The following MPPED2 variants were observed in gnomAD, a reference collection of about 807,000 sequenced individuals.
MPPED2 encodes the protein metallophosphoesterase MPPED2.
MPPED2 carries 5 observed loss-of-function variants against 33.0 expected under a neutral mutation model. The ratio of observed to expected loss-of-function variants is 0.15; its 90% confidence interval spans 0.08 to 0.32. The LOEUF (loss-of-function observed/expected upper bound fraction) is 0.32. Ranked by LOEUF, MPPED2 falls within the 10% of genes least tolerant of loss-of-function variation. The probability of loss-of-function intolerance (pLI) is 1.00; values close to 1 mark genes in which losing one functional copy is unlikely to be tolerated. For synonymous variants in MPPED2, 136 were observed against 141.9 expected, an observed-to-expected ratio of 0.96 and a Z score of 0.29; for missense variants, 275 against 372.1, an observed-to-expected ratio of 0.74 and a Z score of 2.15.
intron 3 of MPPED2, among the ~76,000 whole-genome samples, chr11:30,517,257 A>G (rs1239838928): frequency 6.6e-6 from 1 of 152,114 alleles, no homozygotes; most frequent in Non-Finnish European, 1.5e-5. Context: ...GTTACTGCTG[A>G]CTGGGAAGGC....
At chr11:30,432,683 A>T (rs1478753540) in intron 4 of MPPED2, among the ~76,000 whole-genome samples, 2 of 152,176 alleles carry the variant, frequency 1.3e-5, no homozygotes, top group East Asian at 3.9e-4. Context: ...TATAAAATAC[A>T]CAATTCTTTT....
downstream of MPPED2, among the ~76,000 whole-genome samples, chr11:30,384,110 C>G (rs1757993): frequency 0.098 from 14,919 of 152,020 alleles, 746 homozygotes; most frequent in Middle Eastern, 0.17. Flanking sequence ...CAGCAAACAT[C>G]TACATTGAGT....
chr11:30,398,066 A>G (rs1947860744), intron 6 of MPPED2, among the ~76,000 whole-genome samples: 2 of 152,278 alleles, frequency 1.3e-5, no homozygotes, highest in Admixed American at 1.3e-4. Context: ...GTATTAAGTC[A>G]TTATCCTTGC....
At chr11:30,513,786 G>A (rs773565915) in intron 3 of MPPED2, among the ~76,000 whole-genome samples, 41 of 151,972 alleles carry the variant, frequency 2.7e-4, no homozygotes, top group Non-Finnish European at 5.3e-4. Context: ...AAAGAAAAGA[G>A]AACAAGGAAC....
chr11:30,399,355 A>G (rs78235980), intron 6 of MPPED2, among the ~76,000 whole-genome samples: 1 of 152,306 alleles, frequency 6.6e-6, no homozygotes, highest in Non-Finnish European at 1.5e-5. Flanking sequence ...TTACAAAGGT[A>G]AGAAAAAAAT....
chr11:30,581,869 C>T (rs750840739), intron 1 of MPPED2, among the ~76,000 whole-genome samples: 11 of 152,176 alleles, frequency 7.2e-5, no homozygotes, highest in African/African-American at 1.4e-4. Context: ...GATGAATCCC[C>T]GTGCTCTGGC....
At chr11:30,406,110 A>G (rs1049165992), downstream of MPPED2, among the ~76,000 whole-genome samples, 9 of 152,146 alleles carry the variant, frequency 5.9e-5, no homozygotes, top group Non-Finnish European at 1.2e-4. Flanking sequence ...TTGGAAGCCT[A>G]TTGGAATTGT....
intron 2 of MPPED2, among the ~76,000 whole-genome samples, chr11:30,543,785 C>T (rs1037924831): frequency 3.8e-5 from 5 of 130,732 alleles, no homozygotes; most frequent in Admixed American, 8.1e-5. Flanking sequence ...CCAGAAATGG[C>T]GTTGTTCTTT....
At chr11:30,457,712 T>C (rs1159254816) in intron 4 of MPPED2, among the ~76,000 whole-genome samples, 1 of 152,176 alleles carries the variant, frequency 6.6e-6, no homozygotes. Context: ...GATTTGAACA[T>C]AGTTCGGAGT....
rs545370266 is a variant in MPPED2 at position 30,580,440 on chromosome 11, C to T, written c.-67G>A. The T allele has an allele frequency of 5.7e-6, 9 of 1,582,504 alleles. No individual in the cohort carries two copies. Among genetic ancestry groups the T allele is most frequent in the African/African-American group, 1.3e-5 (1 of 74,194 alleles). The stretch of plus-strand genomic sequence containing the variant: ...GCAAAAGATGGAAGCAGGCATGGTG[C>T]GTTTCAGCCAACCTCTGAATCCAAG... On this transcript the variant is annotated 5_prime_UTR_variant, in exon 2 of 7. Transcript: ENST00000358117.
intron 4 of MPPED2, among the ~76,000 whole-genome samples, chr11:30,466,286 C>T (rs963700665): frequency 5.3e-5 from 8 of 152,106 alleles, no homozygotes; most frequent in African/African-American, 1.9e-4. Context: ...GCTAAGAGAG[C>T]AAGGTATGAT....
chr11:30,494,697 C>T (rs1417824651), intron 4 of MPPED2, among the ~76,000 whole-genome samples: 2 of 126,148 alleles, frequency 1.6e-5, no homozygotes, highest in Non-Finnish European at 3.1e-5. Flanking sequence ...GAGATCACAC[C>T]ACTGCATTCC....
intron 2 of MPPED2, among the ~76,000 whole-genome samples, chr11:30,579,198 G>A (rs1957058781): frequency 6.7e-6 from 1 of 150,052 alleles, no homozygotes; most frequent in South Asian, 2.1e-4. Context: ...GTGGGGGGGT[G>A]TGTGTATTTG....
At chr11:30,569,001 T>C (rs949788888) in intron 2 of MPPED2, among the ~76,000 whole-genome samples, 1 of 152,152 alleles carries the variant, frequency 6.6e-6, no homozygotes, top group Non-Finnish European at 1.5e-5. Context: ...TTCCCTTTTT[T>C]CTCAAAGTGC....
intron 6 of MPPED2, among the ~76,000 whole-genome samples, chr11:30,400,996 T>C (rs1411880009): frequency 6.6e-6 from 1 of 152,180 alleles, no homozygotes; most frequent in East Asian, 1.9e-4. Flanking sequence ...CTAGAATTCC[T>C]GAGCTCAAGT....
intron 4 of MPPED2, among the ~76,000 whole-genome samples, chr11:30,424,875 G>A (rs1037964538): frequency 2.6e-5 from 4 of 152,172 alleles, no homozygotes; most frequent in Admixed American, 6.5e-5. Flanking sequence ...AATTGACATC[G>A]CTAGGAGAGG....
At position 30,564,588 on chromosome 11, in the gene MPPED2, T is replaced by C. The variant is rs190608750; in HGVS notation, c.128+15658A>G. ...AAGAGGGAGACCAAGATTCAAACTT[T>C]GGCAGTATGCTTCTGGAAACCACGT... On this transcript the variant is annotated intron_variant, in intron 2 of 6. Coordinates refer to ENST00000358117, the MANE Select transcript of MPPED2 (RefSeq NM_001584.3). 5.4e-4 allele frequency among the ~76,000 whole-genome samples: 83 copies of C among 152,308 alleles called. 1 individual carries two copies. The highest frequency in any genetic ancestry group is 5.3e-3 in the Admixed American group (81 of 15,300).
intron 4 of MPPED2, among the ~76,000 whole-genome samples, chr11:30,451,389 C>A (rs552833952): frequency 6.6e-6 from 1 of 152,284 alleles, no homozygotes; most frequent in Admixed American, 6.5e-5. Context: ...GCTAACCTGG[C>A]CCCCCTGCAG....
chr11:30,396,671 T>G (rs1053176752), intron 6 of MPPED2, among the ~76,000 whole-genome samples: 1 of 152,168 alleles, frequency 6.6e-6, no homozygotes, highest in Non-Finnish European at 1.5e-5. Context: ...CTGAATAGAA[T>G]TATCTCCATT....
Sources: gnomAD v4.1 joint callset for allele counts (sites outside exome capture counted in the v4.1 genomes callset) on GRCh38, gnomAD v4.1.1 for gene constraint, MANE v1.5 for transcripts, NCBI Gene and HGNC (gene_info 2026-07-23, HGNC 2026-07-21) for gene names.